The following PPARG variants were observed in gnomAD, a reference collection of about 807,000 sequenced individuals.
PPARG encodes peroxisome proliferator activated receptor gamma, also known as peroxisome proliferator-activated receptor gamma.
In PPARG, 17 loss-of-function variants were observed where a neutral mutation model predicts 39.2. The observed-to-expected ratio is 0.43, with a 90% confidence interval of 0.30 to 0.65. The LOEUF is 0.65. Ranked by LOEUF, PPARG falls within the 30% of genes least tolerant of loss-of-function variation. The probability of loss-of-function intolerance (pLI) is 0.13; values close to 1 mark genes in which losing one functional copy is unlikely to be tolerated. For synonymous variants in PPARG, 223 were observed against 215.7 expected, an observed-to-expected ratio of 1.03 and a Z score of -0.30; for missense variants, 406 against 585.9, an observed-to-expected ratio of 0.69 and a Z score of 3.17.
Position 12,421,458 on chromosome 3 carries a change from C to T in PPARG, c.1180+4304C>T, listed in dbSNP as rs1225697034. Among the ~76,000 whole-genome samples the T allele has an allele frequency of 1.3e-5, 2 of 152,168 alleles. 1 individual carries two copies. The highest frequency in any genetic ancestry group is 3.9e-4 in the East Asian group (2 of 5,188). On this transcript the variant is annotated intron_variant, in intron 7 of 7. Transcript: ENST00000651735. ...AAACTCCCAAAACCTACCCAGCAGC[C>T]AAAGCCAAGCGTAAAGCTCAGTGAA...
intron 1 of PPARG, among the ~76,000 whole-genome samples, chr3:12,311,471 A>G (rs2047242510): frequency 6.6e-6 from 1 of 152,244 alleles, no homozygotes. Flanking sequence ...ATTTCCTGCT[A>G]CAGTTAACAA....
At chr3:12,313,596 G>A (rs1434490048) in intron 2 of PPARG, among the ~76,000 whole-genome samples, 1 of 152,102 alleles carries the variant, frequency 6.6e-6, no homozygotes, top group African/African-American at 2.4e-5. Context: ...TTGGATAAGA[G>A]ATACTCAATC....
intron 4 of PPARG, among the ~76,000 whole-genome samples, chr3:12,385,103 C>T (rs765322103): frequency 4.6e-5 from 7 of 152,090 alleles, no homozygotes; most frequent in South Asian, 2.1e-4. Context: ...ATAACCAATA[C>T]GCAATAAAAA....
chr3:12,360,397 G>A (rs1199391816), intron 2 of PPARG, among the ~76,000 whole-genome samples: 4 of 152,070 alleles, frequency 2.6e-5, no homozygotes, highest in African/African-American at 9.7e-5. Context: ...ACAACTGGAA[G>A]AGTTTTTGTT....
intron 2 of PPARG, among the ~76,000 whole-genome samples, chr3:12,371,464 A>C (rs1415097468): frequency 6.6e-6 from 1 of 152,204 alleles, no homozygotes; most frequent in Admixed American, 6.5e-5. Flanking sequence ...AGAGTTCATG[A>C]CTTTTGTTAG....
chr3:12,325,225 A>G (rs1229432930), intron 2 of PPARG, among the ~76,000 whole-genome samples: 2 of 152,160 alleles, frequency 1.3e-5, no homozygotes, highest in Admixed American at 1.3e-4. Context: ...GTTCAAGACC[A>G]GCCTGGCCAA....
chr3:12,429,552 CAAA>C (rs753288907), intron 7 of PPARG, among the ~76,000 whole-genome samples: 11 of 99,622 alleles, frequency 1.1e-4, no homozygotes, highest in African/African-American at 1.6e-4. Flanking sequence ...CTGTCTCTAC[CAAA>C]AAAAAAAAAA....
chr3:12,427,635 T>C (rs2051498346), intron 7 of PPARG, among the ~76,000 whole-genome samples: 2 of 152,210 alleles, frequency 1.3e-5, no homozygotes, highest in Admixed American at 1.3e-4. Flanking sequence ...AAAGATTAGA[T>C]GATTTGTCCA....
chr3:12,402,833 C>G (rs1190004472), intron 5 of PPARG, among the ~76,000 whole-genome samples: 1 of 152,160 alleles, frequency 6.6e-6, no homozygotes, highest in African/African-American at 2.4e-5. Context: ...CCTCCTTATT[C>G]CCTGGGATTG....
chr3:12,362,891 T>C (rs78738174), intron 2 of PPARG, among the ~76,000 whole-genome samples: 7 of 152,164 alleles, frequency 4.6e-5, no homozygotes, highest in African/African-American at 1.7e-4. Flanking sequence ...AAAAAAAAAT[T>C]ATGAGTGAAT....
chr3:12,325,606 A>AAAT (rs1553635575), intron 2 of PPARG, among the ~76,000 whole-genome samples: 11 of 151,730 alleles, frequency 7.2e-5, no homozygotes, highest in Admixed American at 2.0e-4. Flanking sequence ...GTCTCAAAAA[A>AAAT]AAATAAATAA....
At chr3:12,424,074 C>T (rs1001243333) in intron 7 of PPARG, among the ~76,000 whole-genome samples, 7 of 152,202 alleles carry the variant, frequency 4.6e-5, no homozygotes, top group Non-Finnish European at 8.8e-5. Context: ...TAATGACTCG[C>T]TTTGAGTTAT....
chr3:12,318,940 T>C (rs959296928), intron 2 of PPARG, among the ~76,000 whole-genome samples: 2 of 152,146 alleles, frequency 1.3e-5, no homozygotes, highest in Non-Finnish European at 1.5e-5. Context: ...TATTAAAAGT[T>C]AGATATTTTT....
chr3:12,328,424 G>A, intron 2 of PPARG: 2 of 617,370 alleles, frequency 3.2e-6, no homozygotes, highest in Admixed American at 2.9e-5. Context: ...ATCACCCTGA[G>A]CCCCATTTGC....
chr3:12,377,148 A>G (rs1559514219), intron 2 of PPARG, among the ~76,000 whole-genome samples: 1 of 152,214 alleles, frequency 6.6e-6, no homozygotes. Context: ...TGTTGCACTT[A>G]CTGTGACAAT....
At chr3:12,377,839 A>G (rs2049473209) in intron 2 of PPARG, among the ~76,000 whole-genome samples, 1 of 152,232 alleles carries the variant, frequency 6.6e-6, no homozygotes, top group African/African-American at 2.4e-5. Context: ...GAATCTGTAC[A>G]TCTGATATGA....
At position 12,315,007 on chromosome 3, in the gene PPARG, C is replaced by T. The variant is rs144464020; in HGVS notation, c.-9+2554C>T. Among the ~76,000 whole-genome samples the T allele has an allele frequency of 2.3e-3, 353 of 152,146 alleles. 3 individuals carry two copies. The highest frequency in any genetic ancestry group is 3.9e-3 in the Non-Finnish European group (266 of 67,986). On this transcript the variant is annotated intron_variant, in intron 2 of 7. Transcript: ENST00000651735. ...GCTCTTCTAGCTATTGGAAAATATACGATAGGTTGCTGTTAATTATATTTA... is the reference window on the plus strand; with the variant it reads ...GCTCTTCTAGCTATTGGAAAATATATGATAGGTTGCTGTTAATTATATTTA...
At position 12,299,766 on chromosome 3, in the gene PPARG, G is replaced by A. The variant is rs190827911; in HGVS notation, c.-83+10632G>A. ...TAAGAAAATGTAAAACAAAGTTCAT[G>A]GAGACTGTCCCATTAACATCAAAAA... On this transcript the variant is annotated intron_variant, in intron 1 of 7. Transcript: ENST00000651735. Among the ~76,000 whole-genome samples the A allele has an allele frequency of 4.3e-4, 65 of 152,190 alleles. No individual in the cohort carries two copies. In the East Asian group the frequency reaches 0.01, roughly 24 times the overall value.
chr3:12,298,241 G>C (rs1425805773), intron 1 of PPARG, among the ~76,000 whole-genome samples: 2 of 126,916 alleles, frequency 1.6e-5, no homozygotes, highest in African/African-American at 6.0e-5. Flanking sequence ...AGAGCTTGCA[G>C]TGAGCCGAGA....
Sources: gnomAD v4.1 joint callset for allele counts (sites outside exome capture counted in the v4.1 genomes callset) on GRCh38, gnomAD v4.1.1 for gene constraint, MANE v1.5 for transcripts, NCBI Gene and HGNC (gene_info 2026-07-23, HGNC 2026-07-21) for gene names.